Variants in FGD1 observed in about 807,000 individuals in gnomAD.
The protein encoded by FGD1 is FYVE, RhoGEF and PH domain containing 1.
FGD1 carries 12 observed loss-of-function variants against 65.0 expected under a neutral mutation model. That is an observed-to-expected ratio of 0.18 (90% CI 0.12 to 0.30). The LOEUF is 0.30. Among genes scored for constraint, FGD1 ranks in the 10% least tolerant of loss-of-function variants. The pLI is 1.00. For synonymous variants in FGD1, 333 were observed against 343.9 expected (o/e 0.97, Z 0.35); for missense variants, 542 against 837.6 (o/e 0.65, Z 4.36).
chrX:54,489,436 G>A (rs1011675021), intron 1 of FGD1, among the ~76,000 whole-genome samples: 1 of 111,794 alleles, frequency 8.9e-6, no homozygotes, highest in Non-Finnish European at 1.9e-5. Flanking sequence ...ACAAAGATCA[G>A]CTGGGTGTGG....
At chrX:54,494,604 G>A (rs1417177367) in intron 1 of FGD1, among the ~76,000 whole-genome samples, 1 of 109,204 alleles carries the variant, frequency 9.2e-6, no homozygotes, top group Admixed American at 9.9e-5. Context: ...CCTTGGGCAA[G>A]TTGCTTAACT....
At chrX:54,462,180 C>T (rs1231070839) in intron 8 of FGD1, among the ~76,000 whole-genome samples, 2 of 111,350 alleles carry the variant, frequency 1.8e-5, no homozygotes, top group Non-Finnish European at 3.8e-5. Context: ...TAGGCTGGCA[C>T]CTCAGTGAGG....
At chrX:54,473,654 G>C (rs1922947636) in intron 1 of FGD1, among the ~76,000 whole-genome samples, 1 of 112,496 alleles carries the variant, frequency 8.9e-6, no homozygotes, top group Admixed American at 9.5e-5. Context: ...CATTTACATT[G>C]TATTAGGTAT....
intron 8 of FGD1, among the ~76,000 whole-genome samples, chrX:54,462,636 C>T (rs1190358748): frequency 1.8e-5 from 2 of 108,155 alleles, no homozygotes; most frequent in African/African-American, 6.7e-5. Context: ...AGGTGATCTG[C>T]CCGCCTCAGC....
At chrX:54,480,605 A>G (rs910330889) in intron 1 of FGD1, among the ~76,000 whole-genome samples, 5 of 109,833 alleles carry the variant, frequency 4.6e-5, no homozygotes, top group Non-Finnish European at 9.5e-5. Context: ...GTGGCGCTGT[A>G]TTGTCAGGTC....
chrX:54,446,347 C>T lies in FGD1; in HGVS notation c.2648G>A (p.Arg883Gln), dbSNP rs1231705653. Reference protein sequence around the residue: ...FEVGPPEAGERPDRRHVFKIT... With the variant: ...FEVGPPEAGEQPDRRHVFKIT... ...CTTGAAGACATGCCTTCTGTCAGGC[C>T]GCTCCCCTGCCTCGGGCGGTCCCAC... Residue 883 changes from arginine to glutamine, a missense_variant, in exon 18 of 18, where the codon CGG becomes CAG. Arg to Gln is a conservative substitution (Grantham distance 43, BLOSUM62 1). Around this residue, in one of 6 missense-constraint regions of FGD1, gnomAD observed 182 missense variants for 311.4 expected, o/e 0.58. Transcript: ENST00000375135. 4.1e-6 allele frequency: 5 copies of T among 1,210,791 alleles called. No individual in the cohort carries two copies. The highest frequency in any genetic ancestry group is 2.2e-5 in the Admixed American group (1 of 45,994).
chrX:54,455,311 G>A (rs1922473236), intron 12 of FGD1, 137 bp downstream of exon 12: 8 of 542,564 alleles, frequency 1.5e-5, no homozygotes, highest in East Asian at 7.2e-5. Context: ...CACCCCCACC[G>A]CTGAAGAGCA....
In FGD1 at chrX:54,470,082, C is replaced by G; in HGVS notation, c.1035G>C (p.Glu345Asp). 1 of 1,208,221 alleles carries G rather than the reference C, an allele frequency of 8.3e-7. No individual in the cohort carries two copies. Among genetic ancestry groups the G allele is most frequent in the Non-Finnish European group, 1.1e-6 (1 of 893,214 alleles). Residue 345 changes from glutamate (E) to aspartate (D), a missense_variant, in exon 4 of 18, where the codon GAG becomes GAC. Around this residue, in one of 6 missense-constraint regions of FGD1, gnomAD observed 297 missense variants for 326.8 expected, o/e 0.91. Transcript: ENST00000375135. ...VDSDLEEEDDEEEEEEKDREI... is the reference protein window; with the variant it reads ...VDSDLEEEDDDEEEEEKDREI... The stretch of plus-strand genomic sequence containing the variant: ...CTCTGTCCTTCTCTTCCTCCTCCTC[C>G]TCGTCGTCCTCCTCCTCCAGGTCAC...
At chrX:54,480,067 A>G (rs1923109450) in intron 1 of FGD1, among the ~76,000 whole-genome samples, 1 of 112,969 alleles carries the variant, frequency 8.9e-6, no homozygotes, top group South Asian at 3.6e-4. Context: ...GGCACTTTCT[A>G]TAGTGTGAAG....
intron 12 of FGD1, among the ~76,000 whole-genome samples, chrX:54,451,381 T>A (rs765783583): frequency 1.8e-5 from 2 of 108,350 alleles, no homozygotes; most frequent in East Asian, 6.2e-4. Flanking sequence ...GCCTTCCAGA[T>A]TCAAGCCATT....
chrX:54,457,682 C>T (rs758123821), intron 8 of FGD1, among the ~76,000 whole-genome samples: 6 of 111,492 alleles, frequency 5.4e-5, no homozygotes, highest in South Asian at 7.5e-4. Flanking sequence ...GTCTAAAAAA[C>T]ACCAGGAAGA....
chrX:54,466,543 G>A (rs949746858), intron 6 of FGD1, among the ~76,000 whole-genome samples: 2 of 111,244 alleles, frequency 1.8e-5, no homozygotes, highest in African/African-American at 6.5e-5. Flanking sequence ...AGGCCTGAGA[G>A]GCTGCCTGTA....
At chrX:54,448,247 G>A (rs371347115) in intron 16 of FGD1, among the ~76,000 whole-genome samples, 184 of 107,856 alleles carry the variant, frequency 1.7e-3, no homozygotes, top group African/African-American at 5.4e-3. Context: ...GTACAATGGC[G>A]CGATCTTGGC....
At chrX:54,454,511 G>A (rs1161326050) in intron 12 of FGD1, among the ~76,000 whole-genome samples, 3 of 109,812 alleles carry the variant, frequency 2.7e-5, no homozygotes, top group Non-Finnish European at 5.7e-5. Context: ...TTAGATGGGC[G>A]TGGTGGCATG....
intron 1 of FGD1, among the ~76,000 whole-genome samples, chrX:54,485,287 G>A (rs1032247150): frequency 1.3e-4 from 14 of 110,507 alleles, no homozygotes; most frequent in African/African-American, 4.3e-4. Flanking sequence ...TCTCCTTTCC[G>A]TAAGCAAACC....
At chrX:54,481,136 A>T (rs1406368141) in intron 1 of FGD1, among the ~76,000 whole-genome samples, 1 of 110,434 alleles carries the variant, frequency 9.1e-6, no homozygotes, top group Non-Finnish European at 1.9e-5. Context: ...CTTGCCCTTG[A>T]GTAGAAGCCT....
At chrX:54,473,707 A>G (rs1922949607) in intron 1 of FGD1, among the ~76,000 whole-genome samples, 1 of 112,597 alleles carries the variant, frequency 8.9e-6, no homozygotes, top group African/African-American at 3.2e-5. Context: ...AGGAAGGGTC[A>G]GGTGCGGTGG....
At chrX:54,471,604 C>A in intron 1 of FGD1, 117 bp from the exon 2 acceptor site, 1 of 699,524 alleles carries the variant, frequency 1.4e-6, no homozygotes, top group South Asian at 2.8e-5. Context: ...TTCTCTGAGC[C>A]CCTTTCCTGG....
intron 12 of FGD1, among the ~76,000 whole-genome samples, chrX:54,452,295 T>C (rs1479504623): frequency 1.0e-5 from 1 of 96,466 alleles, no homozygotes; most frequent in Non-Finnish European, 2.0e-5. Flanking sequence ...AAAAAAGAAC[T>C]ACAGTATAGT....
Sources: gnomAD v4.1 joint callset for allele counts (sites outside exome capture counted in the v4.1 genomes callset) on GRCh38, gnomAD v4.1.1 for gene constraint, gnomAD v4.1.1 regional missense constraint, MANE v1.5 for transcripts, NCBI Gene and HGNC (gene_info 2026-07-23, HGNC 2026-07-21) for gene names.